RSRC1: variants seen among roughly 807,000 people sequenced by gnomAD.
RSRC1 encodes the protein serine/Arginine-related protein 53.
A neutral mutation model predicts 49.1 loss-of-function variants in RSRC1; 39 were observed. The ratio of observed to expected loss-of-function variants is 0.79; its 90% CI spans 0.61 to 1.04. The LOEUF (loss-of-function observed/expected upper bound fraction) is 1.04, where lower values mean the gene tolerates loss of function less well. Among genes scored for constraint, RSRC1 ranks in the 50% least tolerant of loss-of-function variants. The probability of loss-of-function intolerance (pLI) is 0.00; values close to 1 mark genes in which losing one functional copy is unlikely to be tolerated. For synonymous variants in RSRC1, 143 were observed against 130.8 expected (o/e 1.09, Z -0.63); for missense variants, 388 against 402.4 (o/e 0.96, Z 0.31).
rs1553801306 is a variant in RSRC1 at position 158,411,517 on chromosome 3, T to TTG, written c.584-49417_584-49416insGT. ...TATATCATTCTACTTTCTCTTTTTTTTTTGTTTGTTTATTTTTTAAGGCAA... is the reference window on the plus strand; with the variant it reads ...TATATCATTCTACTTTCTCTTTTTTTTGTTTGTTTGTTTATTTTTTAAGGCAA... On this transcript the variant is annotated intron_variant, in intron 6 of 9. Coordinates refer to ENST00000611884, the MANE Select transcript of RSRC1 (RefSeq NM_001271838.2). Among the ~76,000 whole-genome samples the TTG allele has an allele frequency of 2.6e-4, 40 of 151,826 alleles. 1 individual carries two copies. Among genetic ancestry groups the TTG allele is most frequent in the Admixed American group, 1.1e-3 (17 of 15,216 alleles).
chr3:158,145,562 G>A (rs1016768868), intron 3 of RSRC1, among the ~76,000 whole-genome samples: 1 of 152,122 alleles, frequency 6.6e-6, no homozygotes, highest in East Asian at 1.9e-4. Flanking sequence ...AAGTCAGGTA[G>A]CATGATGCCT....
At chr3:158,255,843 T>C (rs1448732944) in intron 4 of RSRC1, among the ~76,000 whole-genome samples, 1 of 152,198 alleles carries the variant, frequency 6.6e-6, no homozygotes, top group Non-Finnish European at 1.5e-5. Context: ...TCACTTGTGA[T>C]TTGGCTGTCT....
chr3:158,421,376 TAAG>T (rs1374855156), intron 6 of RSRC1, among the ~76,000 whole-genome samples: 1 of 151,880 alleles, frequency 6.6e-6, no homozygotes, highest in Non-Finnish European at 1.5e-5. Context: ...TCCACCTGCC[TAAG>T]AAGAATAGAT....
chr3:158,477,798 T>TTATATATATA (rs67839411), intron 7 of RSRC1, among the ~76,000 whole-genome samples: 25 of 89,762 alleles, frequency 2.8e-4, no homozygotes, highest in South Asian at 1.2e-3. Context: ...CGGGAGGGAT[T>TTATATATATA]TATATATATA....
intron 6 of RSRC1, among the ~76,000 whole-genome samples, chr3:158,389,966 T>G (rs906778674): frequency 2.0e-5 from 3 of 152,206 alleles, no homozygotes; most frequent in African/African-American, 7.2e-5. Flanking sequence ...GGGCTTTCTT[T>G]GTTTCTTCCT....
intron 3 of RSRC1, chr3:158,136,745 T>G (rs1231019171): frequency 1.3e-5 from 2 of 152,170 alleles, no homozygotes; most frequent in Non-Finnish European, 2.9e-5. Flanking sequence ...CCCCCTCCAG[T>G]TTTTCAATGG....
intron 7 of RSRC1, among the ~76,000 whole-genome samples, chr3:158,467,125 AGAGTAT>A (rs1308063365): frequency 6.6e-6 from 1 of 152,220 alleles, no homozygotes; most frequent in Non-Finnish European, 1.5e-5. Flanking sequence ...GCAACACAAA[AGAGTAT>A]GACGATTATT....
intron 4 of RSRC1, among the ~76,000 whole-genome samples, chr3:158,204,949 G>C (rs1721265800): frequency 6.6e-6 from 1 of 152,080 alleles, no homozygotes; most frequent in African/African-American, 2.4e-5. Flanking sequence ...TGTTAAAAAG[G>C]GTTCTCATAT....
At chr3:158,339,601 A>T (rs1297626322) in intron 5 of RSRC1, among the ~76,000 whole-genome samples, 1 of 152,198 alleles carries the variant, frequency 6.6e-6, no homozygotes, top group Non-Finnish European at 1.5e-5. Context: ...TTCCTAAGAG[A>T]TAGATTTCAG....
chr3:158,402,622 G>A, intron 6 of RSRC1, among the ~76,000 whole-genome samples: 1 of 151,730 alleles, frequency 6.6e-6, no homozygotes, highest in East Asian at 1.9e-4. Flanking sequence ...ATTATTTTAT[G>A]TCCCTCATTA....
chr3:158,135,813 A>G (rs949629320), intron 3 of RSRC1, among the ~76,000 whole-genome samples: 2 of 152,144 alleles, frequency 1.3e-5, no homozygotes, highest in African/African-American at 4.8e-5. Context: ...GTGTTTAAAC[A>G]GTTTTCTTTT....
chr3:158,227,767 T>C (rs1201267272), intron 4 of RSRC1, among the ~76,000 whole-genome samples: 1 of 152,096 alleles, frequency 6.6e-6, no homozygotes, highest in African/African-American at 2.4e-5. Flanking sequence ...TATTTTCAGC[T>C]TTGTGGGCAT....
intron 3 of RSRC1, among the ~76,000 whole-genome samples, chr3:158,173,544 A>G (rs1015536253): frequency 1.3e-5 from 2 of 151,998 alleles, no homozygotes; most frequent in Non-Finnish European, 2.9e-5. Context: ...AATATACATT[A>G]AGAATTGACC....
intron 7 of RSRC1, among the ~76,000 whole-genome samples, chr3:158,525,500 TAC>T (rs1005216214): frequency 6.6e-5 from 10 of 152,080 alleles, no homozygotes; most frequent in East Asian, 1.9e-4. Flanking sequence ...GGCAGTGTCT[TAC>T]AAAGTTAAAC....
intron 7 of RSRC1, among the ~76,000 whole-genome samples, chr3:158,477,192 C>G (rs969774744): frequency 3.3e-5 from 5 of 152,130 alleles, no homozygotes; most frequent in African/African-American, 1.2e-4. Flanking sequence ...AGTGTGAACA[C>G]TGGAAATTAC....
intron 4 of RSRC1, among the ~76,000 whole-genome samples, chr3:158,218,447 G>T (rs921853048): frequency 6.6e-6 from 1 of 151,588 alleles, no homozygotes; most frequent in African/African-American, 2.4e-5. Flanking sequence ...AGATGTTAAG[G>T]ATAACCATTA....
intron 5 of RSRC1, among the ~76,000 whole-genome samples, chr3:158,344,987 G>A (rs762303874): frequency 6.6e-6 from 1 of 152,156 alleles, no homozygotes; most frequent in African/African-American, 2.4e-5. Context: ...GGGAGGCCGA[G>A]GCTGGCGGAT....
At chr3:158,175,101 G>C (rs1719122671) in intron 3 of RSRC1, among the ~76,000 whole-genome samples, 1 of 151,940 alleles carries the variant, frequency 6.6e-6, no homozygotes, top group Non-Finnish European at 1.5e-5. Flanking sequence ...GTTTTAGTTG[G>C]CCATGTGGAT....
At chr3:158,430,078 AAAT>A (rs1467342985) in intron 6 of RSRC1, among the ~76,000 whole-genome samples, 8 of 142,794 alleles carry the variant, frequency 5.6e-5, no homozygotes, top group African/African-American at 2.4e-4. Flanking sequence ...CACACAAAAA[AAAT>A]AAAATAAAAT....
Sources: gnomAD v4.1 joint callset for allele counts (sites outside exome capture counted in the v4.1 genomes callset) on GRCh38, gnomAD v4.1.1 for gene constraint, MANE v1.5 for transcripts, NCBI Gene and HGNC (gene_info 2026-07-23, HGNC 2026-07-21) for gene names.